Variants in GUCY1A2 observed in about 807,000 individuals in gnomAD.
GUCY1A2 encodes the protein guanylate cyclase 1 soluble subunit alpha 2.
Under a neutral mutation model 63.5 loss-of-function variants are expected in GUCY1A2, and 27 were observed. That is an observed-to-expected ratio of 0.43 (90% CI 0.31 to 0.59). The LOEUF (loss-of-function observed/expected upper bound fraction) is 0.59. GUCY1A2 is among the 20% of genes least tolerant of loss of function. GUCY1A2 has a pLI of 0.11. For synonymous variants in GUCY1A2, 364 were observed against 343.5 expected (o/e 1.06, Z -0.66); for missense variants, 768 against 913.3 (o/e 0.84, Z 2.05).
intron 2 of GUCY1A2, among the ~76,000 whole-genome samples, chr11:106,980,252 C>G (rs1861317867): frequency 6.6e-6 from 1 of 152,192 alleles, no homozygotes; most frequent in African/African-American, 2.4e-5. Flanking sequence ...TGTCATGGTG[C>G]TCTTCCAATC....
intron 1 of GUCY1A2, among the ~76,000 whole-genome samples, chr11:106,989,015 T>C (rs1861437662): frequency 6.6e-6 from 1 of 152,196 alleles, no homozygotes; most frequent in South Asian, 2.1e-4. Flanking sequence ...CTCAACAAAC[T>C]TTTATTAAGT....
intron 1 of GUCY1A2, among the ~76,000 whole-genome samples, chr11:107,010,979 C>T (rs1376349944): frequency 6.6e-6 from 1 of 152,198 alleles, no homozygotes; most frequent in Non-Finnish European, 1.5e-5. Context: ...ATCCATCTGC[C>T]TCAGCCTCCC....
chr11:106,831,052 G>T (rs946289447), intron 4 of GUCY1A2, among the ~76,000 whole-genome samples: 1 of 151,958 alleles, frequency 6.6e-6, no homozygotes, highest in Non-Finnish European at 1.5e-5. Context: ...AGCTTATATA[G>T]CTATAAGCAT....
intron 5 of GUCY1A2, among the ~76,000 whole-genome samples, chr11:106,797,097 A>C (rs896753845): frequency 2.6e-5 from 4 of 152,144 alleles, no homozygotes; most frequent in African/African-American, 9.6e-5. Flanking sequence ...TTCATCACAT[A>C]GTTCTCGTGC....
intron 4 of GUCY1A2, among the ~76,000 whole-genome samples, chr11:106,814,829 A>C (rs1005407641): frequency 3.9e-5 from 6 of 152,134 alleles, no homozygotes; most frequent in African/African-American, 1.4e-4. Flanking sequence ...TTTAAATAGA[A>C]TCTAGAGTCT....
chr11:106,811,836 T>C (rs1024247492), intron 4 of GUCY1A2, among the ~76,000 whole-genome samples: 3 of 152,062 alleles, frequency 2.0e-5, no homozygotes, highest in African/African-American at 7.2e-5. Flanking sequence ...CTAGTAATGC[T>C]CTGCTCTGGA....
chr11:106,836,141 T>C (rs1473690532), intron 4 of GUCY1A2, among the ~76,000 whole-genome samples: 1 of 151,920 alleles, frequency 6.6e-6, no homozygotes, highest in Non-Finnish European at 1.5e-5. Flanking sequence ...CAGTTGGCCC[T>C]GGAACAACAT....
At chr11:106,702,996 G>A (rs1018107252) in intron 7 of GUCY1A2, among the ~76,000 whole-genome samples, 18 of 152,116 alleles carry the variant, frequency 1.2e-4, no homozygotes, top group African/African-American at 3.9e-4. Flanking sequence ...TGGGAAGGGC[G>A]GACCCACCCT....
chr11:107,018,049 G>C lies in GUCY1A2; in HGVS notation c.7C>G (p.Arg3Gly), dbSNP rs1469640895. Reference protein sequence around the residue: MSRRKISSESFSS... With the variant: MSGRKISSESFSS... Reference sequence around the variant, plus strand: ...AAGGACTCGGACGAAATCTTCCTTCGAGACATGCTGCCGGCGGAGCTGCAG... The same window carrying C: ...AAGGACTCGGACGAAATCTTCCTTCCAGACATGCTGCCGGCGGAGCTGCAG... The change falls in exon 1 of 8, where the codon CGA (arginine) becomes GGA (glycine). Residue 3 changes from arginine to glycine, a missense_variant. Transcript: ENST00000526355. 3 of 1,459,612 alleles carry C rather than the reference G, an allele frequency of 2.1e-6. No homozygotes were observed. Among genetic ancestry groups the C allele is most frequent in the Middle Eastern group, 1.9e-4 (1 of 5,300 alleles). 90.4% of individuals were successfully genotyped at this position (1,459,612 alleles called of 1,614,324 possible). A position where few individuals can be genotyped will look rare whatever the true frequency, so the allele number is the denominator to read the frequency against.
intron 6 of GUCY1A2, among the ~76,000 whole-genome samples, chr11:106,728,721 G>A (rs989765580): frequency 2.0e-4 from 30 of 152,198 alleles, no homozygotes; most frequent in Non-Finnish European, 4.1e-4. Flanking sequence ...TATAATTACC[G>A]AAGATCAATA....
At chr11:106,826,863 A>T in intron 4 of GUCY1A2, 1 of 1,604,964 alleles carries the variant, frequency 6.2e-7, no homozygotes, top group Non-Finnish European at 8.5e-7. Flanking sequence ...TGTGCATATG[A>T]TCATCCACTT....
At chr11:107,005,603 TGA>T (rs1189757451) in intron 1 of GUCY1A2, among the ~76,000 whole-genome samples, 1 of 152,206 alleles carries the variant, frequency 6.6e-6, no homozygotes, top group East Asian at 1.9e-4. Flanking sequence ...ATGTTTTTTC[TGA>T]GAGCCCCTAC....
chr11:107,017,913 G>A lies in GUCY1A2; in HGVS notation c.143C>T (p.Pro48Leu). The change falls in exon 1 of 8, where the codon CCC (proline) becomes CTC (leucine). Residue 48 changes from proline to leucine, a missense_variant. This residue lies in a region of GUCY1A2 where 496 missense variants were observed against 486.9 expected (regional missense o/e 1.02). Transcript: ENST00000526355. ...GSRSPPGPLE[P>L]SPAAAAAAAA... ...GGCAGCGGCAGCTGCGGCCGGGCTGGGCTCCAGCGGCCCGGGCGGGCTCCG... is the reference window on the plus strand; with the variant it reads ...GGCAGCGGCAGCTGCGGCCGGGCTGAGCTCCAGCGGCCCGGGCGGGCTCCG... 7.8e-7 allele frequency: 1 copy of A among 1,279,558 alleles called. No homozygotes were observed. Among genetic ancestry groups the A allele is most frequent in the South Asian group, 3.0e-5 (1 of 33,564 alleles). The allele number at this position is 1,279,558 out of a possible 1,614,324, so 79.3% of individuals were successfully genotyped here.
At chr11:106,784,941 G>A (rs1419340067) in intron 5 of GUCY1A2, among the ~76,000 whole-genome samples, 1 of 152,128 alleles carries the variant, frequency 6.6e-6, no homozygotes, top group African/African-American at 2.4e-5. Context: ...TCTGTCATAT[G>A]AAGAACTGAA....
At chr11:106,750,893 G>A (rs1863871827) in intron 6 of GUCY1A2, among the ~76,000 whole-genome samples, 1 of 151,420 alleles carries the variant, frequency 6.6e-6, no homozygotes, top group African/African-American at 2.4e-5. Context: ...GATCCTACTT[G>A]TCAATCAAAT....
Position 106,675,904 on chromosome 11 carries a change from C to G in GUCY1A2, c.*11645G>C, listed in dbSNP as rs1212010839. The stretch of plus-strand genomic sequence containing the variant: ...TTAATTTTTTTCAAGTATTTTATAC[C>G]CCTTTGACTACTTCATCTGTTAGAA... On this transcript the variant is annotated 3_prime_UTR_variant, in exon 8 of 8. Transcript: ENST00000526355. 5.3e-6 allele frequency: 1 copy of G among 188,214 alleles called. No homozygotes were observed. The highest frequency in any genetic ancestry group is 2.3e-5 in the African/African-American group (1 of 42,738). 11.7% of individuals were successfully genotyped at this position (188,214 alleles called of 1,614,324 possible).
At chr11:106,927,256 C>T (rs1860537832) in intron 4 of GUCY1A2, among the ~76,000 whole-genome samples, 1 of 151,356 alleles carries the variant, frequency 6.6e-6, no homozygotes, top group Non-Finnish European at 1.5e-5. Context: ...GCCTGTAGTC[C>T]CAGCTACTCG....
intron 6 of GUCY1A2, among the ~76,000 whole-genome samples, chr11:106,757,423 A>G (rs1863993823): frequency 6.6e-6 from 1 of 152,052 alleles, no homozygotes; most frequent in Admixed American, 6.6e-5. Flanking sequence ...TCTGGAGGAG[A>G]AAAGGCATTG....
In GUCY1A2 at chr11:106,911,144, G is replaced by T. The variant is rs182575233; in HGVS notation, c.1206+28316C>A. Reference sequence around the variant, plus strand: ...GAAAAACAAACTCTTAGGAAAAATGGGTAACATACTGAATACAAGCTGTAC... The same window carrying T: ...GAAAAACAAACTCTTAGGAAAAATGTGTAACATACTGAATACAAGCTGTAC... On this transcript the variant is annotated intron_variant, in intron 4 of 7. Coordinates refer to ENST00000526355, the MANE Select transcript of GUCY1A2 (RefSeq NM_000855.3). Among the ~76,000 whole-genome samples, 415 of 151,930 alleles carry T rather than the reference G, an allele frequency of 2.7e-3. 9 individuals are homozygous for T. The highest frequency in any genetic ancestry group is 1.7e-3 in the Non-Finnish European group (114 of 67,894).
Sources: gnomAD v4.1 joint callset for allele counts (sites outside exome capture counted in the v4.1 genomes callset) on GRCh38, gnomAD v4.1.1 for gene constraint, gnomAD v4.1.1 regional missense constraint, MANE v1.5 for transcripts, NCBI Gene and HGNC (gene_info 2026-07-23, HGNC 2026-07-21) for gene names.